MYO1H: variants seen among roughly 807,000 people sequenced by gnomAD.
MYO1H encodes unconventional myosin-Ih.
Under a neutral mutation model 149.3 loss-of-function variants are expected in MYO1H, and 118 were observed. The observed-to-expected ratio is 0.79, with a 90% CI of 0.68 to 0.92. The LOEUF is 0.92. MYO1H is among the 40% of genes least tolerant of loss of function. MYO1H has a pLI of 0.00. For missense variants in MYO1H, 1,212 were observed against 1,280.7 expected (o/e 0.95, Z 0.82); for synonymous variants, 447 against 465.2 (o/e 0.96, Z 0.50).
chr12:109,382,323 T>A (rs1869220257), intron 1 of MYO1H, among the ~76,000 whole-genome samples: 1 of 152,136 alleles, frequency 6.6e-6, no homozygotes, highest in South Asian at 2.1e-4. Context: ...AAGAATGCAA[T>A]TAACAAAACC....
the MYO1H span, among the ~76,000 whole-genome samples, chr12:109,319,518 A>G: frequency 2.0e-5 from 3 of 152,212 alleles, no homozygotes; most frequent in South Asian, 6.2e-4. Flanking sequence ...TGAATGTAAC[A>G]CTAATGAACT....
At chr12:109,352,264 A>G (rs112245965) in intron 1 of MYO1H, among the ~76,000 whole-genome samples, 100 of 152,302 alleles carry the variant, frequency 6.6e-4, no homozygotes, top group African/African-American at 2.1e-3. Context: ...GAAAATGACA[A>G]TGATTTGAAA....
chr12:109,398,563 T>C (rs1034373955), intron 5 of MYO1H, among the ~76,000 whole-genome samples: 1 of 151,490 alleles, frequency 6.6e-6, no homozygotes, highest in Non-Finnish European at 1.5e-5. Context: ...CTGGTCAACA[T>C]TGTGAAACCC....
intron 16 of MYO1H, among the ~76,000 whole-genome samples, chr12:109,422,446 A>G (rs1025668293): frequency 6.6e-6 from 1 of 152,136 alleles, no homozygotes; most frequent in Admixed American, 6.6e-5. Flanking sequence ...TCCCGTCAGC[A>G]AAGTGGGGCT....
At chr12:109,409,223 T>TCC (rs1870537785) in intron 10 of MYO1H, among the ~76,000 whole-genome samples, 1 of 111,622 alleles carries the variant, frequency 9.0e-6, no homozygotes, top group African/African-American at 3.2e-5. Flanking sequence ...CTCCTTCTTC[T>TCC]TTTTCTTCTT....
At chr12:109,406,175 G>T in intron 8 of MYO1H, 140 bp downstream of exon 8, 1 of 628,262 alleles carries the variant, frequency 1.6e-6, no homozygotes. Flanking sequence ...TTTAAAGAGT[G>T]GGGGTTTGAA....
chr12:109,385,299 C>CT (rs3068977), intron 1 of MYO1H, among the ~76,000 whole-genome samples: 7,919 of 144,202 alleles, frequency 0.055, 264 homozygotes, highest in African/African-American at 0.099. Context: ...TCTTTCTTTT[C>CT]TTTTTTTTTT....
exon 6 of MYO1H, chr12:109,401,140 C>G (rs762095863): frequency 6.2e-7 from 1 of 1,613,898 alleles, no homozygotes; most frequent in Admixed American, 1.7e-5. Context: ...TAGAGAAGTC[C>G]CGAGTTGTCT....
At chr12:109,330,907 G>A in the MYO1H span, among the ~76,000 whole-genome samples, 14 of 152,092 alleles carry the variant, frequency 9.2e-5, no homozygotes, top group African/African-American at 3.1e-4. Flanking sequence ...TGTTTATGTC[G>A]GAGGGGTTTT....
At chr12:109,419,187 T>C (rs1871059984) in intron 15 of MYO1H, among the ~76,000 whole-genome samples, 1 of 148,672 alleles carries the variant, frequency 6.7e-6, no homozygotes, top group Non-Finnish European at 1.5e-5. Flanking sequence ...TATGTGAGGA[T>C]ACACACACAC....
exon 28 of MYO1H, chr12:109,443,556 G>A (rs1872338232): frequency 6.2e-7 from 1 of 1,613,798 alleles, no homozygotes; most frequent in Non-Finnish European, 8.5e-7. Flanking sequence ...AGGCTTCAAA[G>A]CACGGCAGCG....
At chr12:109,358,661 C>T (rs1868661624) in intron 1 of MYO1H, among the ~76,000 whole-genome samples, 1 of 152,132 alleles carries the variant, frequency 6.6e-6, no homozygotes. Context: ...GGTTTCCTCT[C>T]AGTGCATTCT....
intron 30 of MYO1H, 140 bp downstream of exon 30, chr12:109,444,669 C>A: frequency 1.5e-6 from 1 of 666,896 alleles, no homozygotes; most frequent in Non-Finnish European, 2.6e-6. Flanking sequence ...GAGTTCAAGA[C>A]CAGCCTGGCC....
At chr12:109,346,348 C>A (rs892152738), upstream of MYO1H, among the ~76,000 whole-genome samples, 15 of 152,106 alleles carry the variant, frequency 9.9e-5, no homozygotes, top group African/African-American at 3.6e-4. Flanking sequence ...TGGAACCAAT[C>A]CCCCACAGAT....
chr12:109,438,638 A>T lies in MYO1H; in HGVS notation c.2294+18A>T. On this transcript the variant is annotated intron_variant, in intron 23 of 31. Transcript: ENST00000310903. ...ATCAGAAAGTAAGTTCTCAGGTACAACAGAGAGGACAGGTCACTAAATGCT... is the reference window on the plus strand; with the variant it reads ...ATCAGAAAGTAAGTTCTCAGGTACATCAGAGAGGACAGGTCACTAAATGCT... 1 of 1,564,046 alleles carries T rather than the reference A, an allele frequency of 6.4e-7. No individual in the cohort carries two copies. Among genetic ancestry groups the T allele is most frequent in the Non-Finnish European group, 8.7e-7 (1 of 1,147,310 alleles).
At chr12:109,327,739 CA>C in the MYO1H span, among the ~76,000 whole-genome samples, 250 of 85,642 alleles carry the variant, frequency 2.9e-3, no homozygotes, top group African/African-American at 7.7e-3. Context: ...AAAACTGTCT[CA>C]AAAAAAAAAA....
intron 1 of MYO1H, among the ~76,000 whole-genome samples, chr12:109,383,753 G>A (rs764261867): frequency 2.6e-5 from 4 of 152,154 alleles, no homozygotes; most frequent in African/African-American, 4.8e-5. Flanking sequence ...GGAAGTCCAC[G>A]GAATAGCTGG....
chr12:109,396,814 G>GTTTTTTTTTTTTTTTTTTTT lies in MYO1H; in HGVS notation c.489+243_489+262dup, dbSNP rs60551691. Among the ~76,000 whole-genome samples the GTTTTTTTTTTTTTTTTTTTT allele has an allele frequency of 8.2e-4, 42 of 51,074 alleles. 12 individuals are homozygous for GTTTTTTTTTTTTTTTTTTTT. Among genetic ancestry groups the GTTTTTTTTTTTTTTTTTTTT allele is most frequent in the Non-Finnish European group, 9.6e-4 (24 of 25,116 alleles). The allele number at this position is 51,074 out of a possible 152,430, so 33.5% of individuals were successfully genotyped here. On this transcript the variant is annotated intron_variant, in intron 4 of 31. Transcript: ENST00000310903. ...GACATTTGGTTTTTGTTTTGGTTTC[G>GTTTTTTTTTTTTTTTTTTTT]TTTTTTTTTTTTTTTTTTTTTTTTT... is the stretch of plus-strand genomic sequence containing the variant.
chr12:109,407,661 G>T, intron 9 of MYO1H, 133 bp from the exon 10 acceptor site: 1 of 837,480 alleles, frequency 1.2e-6, no homozygotes, highest in Non-Finnish European at 1.7e-6. Flanking sequence ...CCCAGCTACT[G>T]CATTCCAGGC....
Sources: gnomAD v4.1 joint callset for allele counts (sites outside exome capture counted in the v4.1 genomes callset) on GRCh38, gnomAD v4.1.1 for gene constraint, MANE v1.5 for transcripts, NCBI Gene and HGNC (gene_info 2026-07-23, HGNC 2026-07-21) for gene names.